ATP1A1: variants seen among roughly 807,000 people sequenced by gnomAD.
ATP1A1 encodes ATPase Na+/K+ transporting subunit alpha 1.
A neutral mutation model predicts 114.8 loss-of-function variants in ATP1A1; 14 were observed. That is an observed-to-expected ratio of 0.12 (90% CI 0.08 to 0.19). ATP1A1 has a LOEUF of 0.19. ATP1A1 is among the 10% of genes least tolerant of loss of function. ATP1A1 has a pLI of 1.00. For missense variants in ATP1A1, 524 were observed against 1,290.7 expected, an observed-to-expected ratio of 0.41 and a Z score of 9.10; for synonymous variants, 471 against 466.3, an observed-to-expected ratio of 1.01 and a Z score of -0.13.
rs1273767674 is a variant in ATP1A1, at chr1:116,404,022, C to T, written c.3043+47C>T. The T allele has an allele frequency of 1.3e-6, 2 of 1,558,782 alleles. No homozygotes were observed. Among genetic ancestry groups the T allele is most frequent in the Non-Finnish European group, 1.8e-6 (2 of 1,134,130 alleles). Reference sequence around the variant, plus strand: ...TTGGTTGGAGGAGGAGTGGGAGGGGCTATAGTTCTATTGGTTTTTTGTTTC... The same window carrying T: ...TTGGTTGGAGGAGGAGTGGGAGGGGTTATAGTTCTATTGGTTTTTTGTTTC... On this transcript the variant is annotated intron_variant, in intron 22 of 22. Coordinates refer to ENST00000295598, the MANE Select transcript of ATP1A1 (RefSeq NM_000701.8). The surrounding 1 kb of genome is among the most constrained non-coding windows in gnomAD (Gnocchi z 4.8).
At position 116,398,474 on chromosome 1, in the gene ATP1A1, G is replaced by A. The variant is rs1653121418; in HGVS notation, c.2125-147G>A. 9.9e-7 allele frequency: 1 copy of A among 1,012,524 alleles called. No homozygotes were observed. The highest frequency in any genetic ancestry group is 1.6e-5 in the South Asian group (1 of 61,466). The allele number at this position is 1,012,524 out of a possible 1,614,324, so 62.7% of individuals were successfully genotyped here. ...TGGTGTAGGGCCTGTGTGAATACTT[G>A]CCTGTGACGGTTCTCAGGCTTCATA... On this transcript the variant is annotated intron_variant, in intron 15 of 22. Coordinates refer to ENST00000295598, the MANE Select transcript of ATP1A1 (RefSeq NM_000701.8). The surrounding 1 kb of genome is among the most constrained non-coding windows in gnomAD (Gnocchi z 6.1).
At chr1:116,373,947 C>T (rs1651174821) in intron 1 of ATP1A1, 2 of 1,345,102 alleles carry the variant, frequency 1.5e-6, no homozygotes, top group East Asian at 3.0e-5. Flanking sequence ...CCTCCTTCTC[C>T]TTCCTTTTCC....
chr1:116,381,249 AAAT>A lies in ATP1A1; in HGVS notation c.13-2759_13-2757del, dbSNP rs1405956855. The stretch of plus-strand genomic sequence containing the variant: ...CTTTGTTTTTCCCTAATGCCTTAAA[AAAT>A]AATAAGGAAACATTGTCCTACCTGA... On this transcript the variant is annotated intron_variant, in intron 1 of 22. Coordinates refer to ENST00000295598, the MANE Select transcript of ATP1A1 (RefSeq NM_000701.8). This position sits in a 1 kb window ranked among gnomAD's most constrained non-coding sequence, Gnocchi z 5.1. Among the ~76,000 whole-genome samples the A allele has an allele frequency of 2.0e-5, 3 of 152,208 alleles. No homozygotes were observed. Among genetic ancestry groups the A allele is most frequent in the African/African-American group, 7.2e-5 (3 of 41,438 alleles).
chr1:116,390,695 T>A lies in ATP1A1; in HGVS notation c.1223-87T>A, dbSNP rs1652398185. On this transcript the variant is annotated intron_variant, in intron 9 of 22. Coordinates refer to ENST00000295598, the MANE Select transcript of ATP1A1 (RefSeq NM_000701.8). Reference sequence around the variant, plus strand: ...GGAAATGAGATGTATCACTGCAGATTTCTATGGGACTTTAATAGGAGAACT... The same window carrying A: ...GGAAATGAGATGTATCACTGCAGATATCTATGGGACTTTAATAGGAGAACT... 2.6e-6 allele frequency: 3 copies of A among 1,137,348 alleles called. No homozygotes were observed. In the South Asian group the frequency reaches 4.0e-5, roughly 15 times the overall value. 70.5% of individuals were successfully genotyped at this position (1,137,348 alleles called of 1,614,324 possible).
chr1:116,373,566 C>T, intron 1 of ATP1A1, 43 bp downstream of exon 1: 1 of 1,411,662 alleles, frequency 7.1e-7, no homozygotes, highest in South Asian at 1.5e-5. Context: ...GGGGAGCCCT[C>T]GAGGGGAAGA....
chr1:116,374,968 G>A lies in ATP1A1; in HGVS notation c.12+1445G>A, dbSNP rs575366876. ...CTTTTAAAAGCATGCAGCGTGGAGG[G>A]CTGGTCCAGGTCAGGTGGCATCAAA... is the stretch of plus-strand genomic sequence containing the variant. On this transcript the variant is annotated intron_variant, in intron 1 of 22. Coordinates refer to ENST00000295598, the MANE Select transcript of ATP1A1 (RefSeq NM_000701.8). Among the ~76,000 whole-genome samples, 3 of 152,256 alleles carry A rather than the reference G, an allele frequency of 2.0e-5. 1 individual carries two copies. In the South Asian group the frequency reaches 6.2e-4, roughly 32 times the overall value.
intron 1 of ATP1A1, among the ~76,000 whole-genome samples, chr1:116,375,197 A>G (rs1034038874): frequency 1.3e-5 from 2 of 152,258 alleles, no homozygotes; most frequent in South Asian, 4.1e-4. Flanking sequence ...TGTGTGCCCC[A>G]AGCCTAGGAA....
Position 116,388,072 on chromosome 1 carries a change from TTGAA to T in ATP1A1, c.388-56_388-53del. 9.0e-7 allele frequency: 1 copy of T among 1,113,180 alleles called. No individual in the cohort carries two copies. The highest frequency in any genetic ancestry group is 1.3e-6 in the Non-Finnish European group (1 of 753,688). 69.0% of individuals were successfully genotyped at this position (1,113,180 alleles called of 1,614,324 possible). ...GTTTTTTATTCAGTCAAAAAATTAA[TTGAA>T]TGTCCCTAATTATTGTGTAGAGCCA... On this transcript the variant is annotated intron_variant, in intron 4 of 22. Transcript: ENST00000295598. This position sits in a 1 kb window ranked among gnomAD's most constrained non-coding sequence, Gnocchi z 5.6.
chr1:116,389,558 A>G lies in ATP1A1; in HGVS notation c.874A>G (p.Ile292Val). ...TPIAAEIEHF[I>V]HIITGVAVFL... ...CATTGCTGCAGAAATTGAACATTTTATCCACATCATCACGGGTGTGGCTGT... is the reference window on the plus strand; with the variant it reads ...CATTGCTGCAGAAATTGAACATTTTGTCCACATCATCACGGGTGTGGCTGT... Residue 292 changes from isoleucine to valine, a missense_variant, in exon 8 of 23, where the codon ATC (isoleucine) becomes GTC (valine). By Grantham distance (29) the Ile-to-Val change is conservative. Around this residue, in one of 8 missense-constraint regions of ATP1A1, gnomAD observed 28 missense variants for 131.8 expected, o/e 0.21. Coordinates refer to ENST00000295598, the MANE Select transcript of ATP1A1 (RefSeq NM_000701.8). This position sits in a 1 kb window ranked among gnomAD's most constrained non-coding sequence, Gnocchi z 6.9. 6.2e-7 allele frequency: 1 copy of G among 1,614,182 alleles called. No homozygotes were observed. Among genetic ancestry groups the G allele is most frequent in the Non-Finnish European group, 8.5e-7 (1 of 1,180,034 alleles).
Position 116,398,597 on chromosome 1 carries a change from C to T in ATP1A1, c.2125-24C>T. 1.2e-6 allele frequency: 2 copies of T among 1,609,814 alleles called. No individual in the cohort carries two copies. Among genetic ancestry groups the T allele is most frequent in the Non-Finnish European group, 1.7e-6 (2 of 1,177,476 alleles). ...CGCTAGGAAAAGTGATTGGTATTAA[C>T]CCGTTTTCCCTTTTCTGGGGTAGGG... On this transcript the variant is annotated intron_variant, in intron 15 of 22. Coordinates refer to ENST00000295598, the MANE Select transcript of ATP1A1 (RefSeq NM_000701.8). The surrounding 1 kb of genome is among the most constrained non-coding windows in gnomAD (Gnocchi z 6.1).
intron 13 of ATP1A1, among the ~76,000 whole-genome samples, chr1:116,396,198 T>C (rs971867805): frequency 2.6e-5 from 4 of 151,670 alleles, no homozygotes; most frequent in Non-Finnish European, 5.9e-5. Context: ...TTGCTTTTCC[T>C]CCAAGTTGTG....
In ATP1A1 at chr1:116,389,659, C is replaced by T. The variant is rs755463200; in HGVS notation, c.975C>T (p.Ile325=). The T allele has an allele frequency of 2.5e-5, 40 of 1,614,056 alleles. No homozygotes were observed. Among genetic ancestry groups the T allele is most frequent in the Admixed American group, 6.7e-5 (4 of 60,008 alleles). ...GGCTTGAGGCTGTCATCTTCCTCATCGGTATCATCGTAGCCAATGTGCCGG... is the reference window on the plus strand; with the variant it reads ...GGCTTGAGGCTGTCATCTTCCTCATTGGTATCATCGTAGCCAATGTGCCGG... ...YTWLEAVIFL[I]GIIVANVPEG... The change falls in exon 8 of 23, where the codon ATC becomes ATT. Residue 325 remains isoleucine (I), a synonymous_variant. Transcript: ENST00000295598. The surrounding 1 kb of genome is among the most constrained non-coding windows in gnomAD (Gnocchi z 6.9).
chr1:116,376,412 A>G (rs1347119159), intron 1 of ATP1A1, among the ~76,000 whole-genome samples: 1 of 152,194 alleles, frequency 6.6e-6, no homozygotes, highest in Non-Finnish European at 1.5e-5. Flanking sequence ...TTAGACTTAA[A>G]GCATTGTAAG....
Position 116,389,539 on chromosome 1 carries a change from T to C in ATP1A1, c.855T>C (p.Ala285=). The C allele has an allele frequency of 6.2e-7, 1 of 1,614,238 alleles. No individual in the cohort carries two copies. The highest frequency in any genetic ancestry group is 1.3e-5 in the African/African-American group (1 of 75,062). ...TGGAAGGAGGCCAGACCCCCATTGCTGCAGAAATTGAACATTTTATCCACA... is the reference window on the plus strand; with the variant it reads ...TGGAAGGAGGCCAGACCCCCATTGCCGCAGAAATTGAACATTTTATCCACA... ...SGLEGGQTPI[A]AEIEHFIHII... is the part of the protein sequence containing the mutation. The change falls in exon 8 of 23, where the codon GCT becomes GCC. Residue 285 remains alanine (A), a synonymous_variant. Transcript: ENST00000295598. This position sits in a 1 kb window ranked among gnomAD's most constrained non-coding sequence, Gnocchi z 6.9.
rs1306743737 is a variant in ATP1A1 at position 116,381,598 on chromosome 1, G to A, written c.13-2416G>A. 6.6e-6 allele frequency among the ~76,000 whole-genome samples: 1 copy of A among 152,182 alleles called. No homozygotes were observed. Among genetic ancestry groups the A allele is most frequent in the Non-Finnish European group, 1.5e-5 (1 of 68,030 alleles). The stretch of plus-strand genomic sequence containing the variant: ...CCTAGCATGAATGGATAAAGAAAAA[G>A]GAGAGTTATTAGGGAATCTAAATTC... On this transcript the variant is annotated intron_variant, in intron 1 of 22. Coordinates refer to ENST00000295598, the MANE Select transcript of ATP1A1 (RefSeq NM_000701.8). The surrounding 1 kb of genome is among the most constrained non-coding windows in gnomAD (Gnocchi z 5.1).
chr1:116,395,653 CCT>C lies in ATP1A1; in HGVS notation c.1836+371_1836+372del, dbSNP rs915312470. Among the ~76,000 whole-genome samples the C allele has an allele frequency of 2.0e-5, 3 of 152,202 alleles. No individual in the cohort carries two copies. Among genetic ancestry groups the C allele is most frequent in the Admixed American group, 2.0e-4 (3 of 15,292 alleles). ...CTGTTTGTTAATGAGTGTTTGGTGTCCTCTGTGTATCTGTCTTTTTTTAAGTA... is the reference window on the plus strand; with the variant it reads ...CTGTTTGTTAATGAGTGTTTGGTGTCCTGTGTATCTGTCTTTTTTTAAGTA... On this transcript the variant is annotated intron_variant, in intron 13 of 22. Coordinates refer to ENST00000295598, the MANE Select transcript of ATP1A1 (RefSeq NM_000701.8). This position sits in a 1 kb window ranked among gnomAD's most constrained non-coding sequence, Gnocchi z 6.4.
chr1:116,392,654 T>C (rs1557787810), intron 10 of ATP1A1, 200 bp from the exon 11 acceptor site: 4 of 519,778 alleles, frequency 7.7e-6, no homozygotes, highest in Middle Eastern at 5.1e-4. Context: ...GACGTTGGGG[T>C]TTGAGTCTGA....
intron 1 of ATP1A1, among the ~76,000 whole-genome samples, chr1:116,375,131 G>T (rs764660444): frequency 1.2e-4 from 18 of 152,012 alleles, no homozygotes; most frequent in Admixed American, 8.5e-4. Flanking sequence ...TGCCTTAAAA[G>T]AAAAAGAAAA....
chr1:116,376,120 A>C (rs1651346392), intron 1 of ATP1A1, among the ~76,000 whole-genome samples: 1 of 152,174 alleles, frequency 6.6e-6, no homozygotes, highest in South Asian at 2.1e-4. Context: ...AAATGTGGGA[A>C]AGTTTGTCTT....
Sources: allele counts gnomAD v4.1 joint callset (sites outside exome capture counted in the v4.1 genomes callset), GRCh38; gene constraint gnomAD v4.1.1; regional missense constraint gnomAD v4.1.1; non-coding constraint Gnocchi (gnomAD v3.1); transcripts MANE v1.5; gene names NCBI Gene and HGNC (gene_info 2026-07-23, HGNC 2026-07-21).